SPIDR: variants seen among roughly 807,000 people sequenced by gnomAD.
The protein encoded by SPIDR is scaffold protein involved in DNA repair, also known as DNA repair-scaffolding protein.
A neutral mutation model predicts 104.6 loss-of-function variants in SPIDR; 93 were observed. The observed-to-expected ratio is 0.89, with a 90% confidence interval of 0.75 to 1.06. SPIDR has a LOEUF of 1.06. SPIDR is among the 50% of genes least tolerant of loss of function. SPIDR has a pLI of 0.00. For missense variants in SPIDR, 1,154 were observed against 1,111.2 expected (o/e 1.04, Z -0.55); for synonymous variants, 431 against 416.9 (o/e 1.03, Z -0.41).
At chr8:47,582,934 A>T (rs1318687877) in intron 8 of SPIDR, among the ~76,000 whole-genome samples, 1 of 151,924 alleles carries the variant, frequency 6.6e-6, no homozygotes, top group Non-Finnish European at 1.5e-5. Flanking sequence ...GCTTTCCACC[A>T]GAAACTCTAG....
At chr8:47,673,422 G>A in intron 10 of SPIDR, 1 of 459,088 alleles carries the variant, frequency 2.2e-6, no homozygotes, top group Non-Finnish European at 4.4e-6. Context: ...ATGGGAAACG[G>A]TAAAAATGGG....
chr8:47,531,949 A>G (rs1356261533), intron 8 of SPIDR, among the ~76,000 whole-genome samples: 2 of 152,200 alleles, frequency 1.3e-5, no homozygotes, highest in African/African-American at 4.8e-5. Context: ...ACAGAAAGAC[A>G]AGGGCAAATA....
At chr8:47,304,393 A>C (rs963608455) in intron 5 of SPIDR, among the ~76,000 whole-genome samples, 1 of 152,144 alleles carries the variant, frequency 6.6e-6, no homozygotes, top group Non-Finnish European at 1.5e-5. Flanking sequence ...GTGGTCAGGC[A>C]CTGTGTCTCC....
chr8:47,496,389 G>C (rs1360273008), intron 8 of SPIDR, among the ~76,000 whole-genome samples: 1 of 152,116 alleles, frequency 6.6e-6, no homozygotes, highest in Non-Finnish European at 1.5e-5. Context: ...TGAAGTTCTT[G>C]AGTGTTTTCA....
chr8:47,327,678 T>C (rs1332372910), intron 5 of SPIDR, among the ~76,000 whole-genome samples: 3 of 152,166 alleles, frequency 2.0e-5, no homozygotes, highest in Non-Finnish European at 4.4e-5. Flanking sequence ...TTCTCCTGTC[T>C]CAGCCTCCCA....
At chr8:47,520,111 G>C (rs753353512) in intron 8 of SPIDR, among the ~76,000 whole-genome samples, 15 of 152,284 alleles carry the variant, frequency 9.9e-5, no homozygotes, top group Non-Finnish European at 1.5e-4. Context: ...TGAATATGGA[G>C]TATCTGTTAT....
intron 8 of SPIDR, among the ~76,000 whole-genome samples, chr8:47,510,603 A>AC (rs1491490190): frequency 2.6e-5 from 4 of 152,150 alleles, no homozygotes; most frequent in South Asian, 2.1e-4. Context: ...CAAAAAAAAA[A>AC]CAAAATGTTG....
intron 5 of SPIDR, among the ~76,000 whole-genome samples, chr8:47,366,068 G>A (rs1219693447): frequency 1.3e-5 from 2 of 152,038 alleles, no homozygotes; most frequent in Non-Finnish European, 2.9e-5. Flanking sequence ...TGAAGCCAAA[G>A]CAAGGTAAAG....
At chr8:47,588,082 T>TAC (rs1564407605) in intron 8 of SPIDR, among the ~76,000 whole-genome samples, 2 of 93,858 alleles carry the variant, frequency 2.1e-5, no homozygotes, top group Non-Finnish European at 4.1e-5. Flanking sequence ...TATATATATA[T>TAC]ATATACACGT....
chr8:47,735,244 T>G, intron 19 of SPIDR, 63 bp from the exon 20 acceptor site: 2 of 1,528,434 alleles, frequency 1.3e-6, no homozygotes, highest in Non-Finnish European at 1.8e-6. Flanking sequence ...TGGTTTTCCG[T>G]GTTGTTGGGA....
At chr8:47,583,284 T>A (rs2059924316) in intron 8 of SPIDR, among the ~76,000 whole-genome samples, 2 of 135,448 alleles carry the variant, frequency 1.5e-5, no homozygotes, top group Non-Finnish European at 3.0e-5. Flanking sequence ...CCAGCCTGGG[T>A]GACAGAGCGA....
chr8:47,402,495 A>G (rs556533540), intron 6 of SPIDR, among the ~76,000 whole-genome samples: 45 of 152,318 alleles, frequency 3.0e-4, no homozygotes, highest in Middle Eastern at 6.8e-3. Flanking sequence ...AATCAAATAG[A>G]CACAATAAAA....
intron 8 of SPIDR, chr8:47,528,129 A>G (rs2085331170): frequency 6.6e-6 from 1 of 152,190 alleles, no homozygotes; most frequent in Non-Finnish European, 1.5e-5. Flanking sequence ...ATTTTTTAAA[A>G]TAAATCGTTG....
chr8:47,281,164 T>C (rs942713273), intron 2 of SPIDR, among the ~76,000 whole-genome samples: 2 of 152,180 alleles, frequency 1.3e-5, no homozygotes, highest in Non-Finnish European at 2.9e-5. Context: ...AATTTAAAAA[T>C]ACTTTGTTGC....
At chr8:47,508,581 A>G (rs1340299944) in intron 8 of SPIDR, among the ~76,000 whole-genome samples, 1 of 152,168 alleles carries the variant, frequency 6.6e-6, no homozygotes, top group Non-Finnish European at 1.5e-5. Context: ...TTCGGTTGCT[A>G]TTGTGGCAGG....
chr8:47,581,359 C>T (rs1045065578), intron 8 of SPIDR, among the ~76,000 whole-genome samples: 2 of 152,024 alleles, frequency 1.3e-5, no homozygotes, highest in African/African-American at 4.8e-5. Flanking sequence ...TAATGTTTTC[C>T]TAAGTAGATA....
intron 10 of SPIDR, among the ~76,000 whole-genome samples, chr8:47,627,354 G>A (rs546330587): frequency 1.9e-4 from 29 of 151,854 alleles, no homozygotes; most frequent in Non-Finnish European, 3.5e-4. Flanking sequence ...AAACCTGCAC[G>A]TTGTGCACAT....
intron 8 of SPIDR, among the ~76,000 whole-genome samples, chr8:47,562,865 G>A (rs1016008912): frequency 1.3e-5 from 2 of 152,036 alleles, no homozygotes; most frequent in Non-Finnish European, 2.9e-5. Context: ...TACTCATCCA[G>A]CCTGAATGCA....
intron 8 of SPIDR, among the ~76,000 whole-genome samples, chr8:47,493,721 C>G (rs2079058972): frequency 6.6e-6 from 1 of 152,068 alleles, no homozygotes; most frequent in Non-Finnish European, 1.5e-5. Flanking sequence ...TGAAAATGTT[C>G]CATCTAGTGA....
Sources: allele counts gnomAD v4.1 joint callset (sites outside exome capture counted in the v4.1 genomes callset), GRCh38; gene constraint gnomAD v4.1.1; transcripts MANE v1.5; gene names NCBI Gene and HGNC (gene_info 2026-07-23, HGNC 2026-07-21).